The following BMP6 variants were observed in gnomAD, a reference collection of about 807,000 sequenced individuals.
BMP6 encodes VG-1-R.
In BMP6, 17 loss-of-function variants were observed where a neutral mutation model predicts 54.1. The observed-to-expected ratio is 0.31, with a 90% confidence interval of 0.22 to 0.47. BMP6 has a LOEUF of 0.47. Among genes scored for constraint, BMP6 ranks in the 20% least tolerant of loss-of-function variants. The pLI is 1.00. For missense variants in BMP6, 720 were observed against 690.4 expected (o/e 1.04, Z -0.48); for synonymous variants, 328 against 291.2 (o/e 1.13, Z -1.28).
chr6:7,833,075 G>T (rs564957036), intron 1 of BMP6, among the ~76,000 whole-genome samples: 4 of 152,006 alleles, frequency 2.6e-5, no homozygotes, highest in Non-Finnish European at 4.4e-5. Flanking sequence ...ATGCGAGGCA[G>T]TGGGACTGAG....
intron 1 of BMP6, among the ~76,000 whole-genome samples, chr6:7,768,046 A>G (rs1447028687): frequency 2.6e-5 from 4 of 151,914 alleles, no homozygotes; most frequent in Non-Finnish European, 4.4e-5. Flanking sequence ...GGCTGGAGAT[A>G]GGTATTTTCC....
intron 2 of BMP6, among the ~76,000 whole-genome samples, chr6:7,848,117 C>A (rs1227939104): frequency 6.6e-6 from 1 of 152,140 alleles, no homozygotes; most frequent in African/African-American, 2.4e-5. Context: ...GTGGTCCTTT[C>A]CTTGAATGGA....
At position 7,880,098 on chromosome 6, in the gene BMP6, C is replaced by G. The variant is rs761657233; in HGVS notation, c.1389C>G (p.Thr463=). Residue 463 remains threonine (T), a synonymous_variant, in exon 6 of 7, where the codon ACC becomes ACG. Coordinates refer to ENST00000283147, the MANE Select transcript of BMP6 (RefSeq NM_001718.6). The stretch of plus-strand genomic sequence containing the variant: ...CAACCAACCACGCGATTGTGCAGAC[C>G]TTGGTGAGCTCTCGGAGACTTTGTT... ...MNATNHAIVQ[T]LVHLMNPEYV... 2.4e-5 allele frequency: 39 copies of G among 1,614,134 alleles called. 1 individual carries two copies. In the South Asian group the frequency reaches 4.3e-4, roughly 18 times the overall value.
At chr6:7,784,677 A>G (rs1206828280) in intron 1 of BMP6, among the ~76,000 whole-genome samples, 2 of 152,226 alleles carry the variant, frequency 1.3e-5, no homozygotes, top group Non-Finnish European at 2.9e-5. Flanking sequence ...TTATATGAGC[A>G]AGGGGGAAGA....
intron 2 of BMP6, among the ~76,000 whole-genome samples, chr6:7,858,396 T>G (rs1017842808): frequency 6.6e-6 from 1 of 152,122 alleles, no homozygotes; most frequent in Non-Finnish European, 1.5e-5. Flanking sequence ...TCCCAACCGG[T>G]GATTTTTAAC....
intron 1 of BMP6, among the ~76,000 whole-genome samples, chr6:7,833,094 T>A (rs1758816315): frequency 6.6e-6 from 1 of 151,828 alleles, no homozygotes; most frequent in Admixed American, 6.6e-5. Flanking sequence ...AGGCTCTGCA[T>A]GAGGGCAGTG....
At chr6:7,804,757 G>T (rs189761897) in intron 1 of BMP6, among the ~76,000 whole-genome samples, 1 of 152,282 alleles carries the variant, frequency 6.6e-6, no homozygotes, top group East Asian at 1.9e-4. Context: ...AGGAGAGTTT[G>T]TTAGTAGATT....
At chr6:7,735,214 C>T (rs1039149485) in intron 1 of BMP6, among the ~76,000 whole-genome samples, 3 of 152,344 alleles carry the variant, frequency 2.0e-5, no homozygotes, top group South Asian at 4.1e-4. Flanking sequence ...CCGTCCAGAA[C>T]GTCTGCGTTT....
rs1758462851 is a variant in BMP6, at chr6:7,813,113, ATATAT to A, written c.665-32026_665-32022del. Among the ~76,000 whole-genome samples the A allele has an allele frequency of 6.1e-5, 3 of 49,364 alleles. 1 individual carries two copies. The highest frequency in any genetic ancestry group is 3.3e-4 in the African/African-American group (3 of 9,116). 32.4% of individuals were successfully genotyped at this position (49,364 alleles called of 152,430 possible). On this transcript the variant is annotated intron_variant, in intron 1 of 6. Transcript: ENST00000283147. ...AAAAAAAAAAAAAAAAAAAAAATAT[ATATAT>A]ATATATATATATATATATATATATA...
intron 1 of BMP6, among the ~76,000 whole-genome samples, chr6:7,731,846 CATTT>C (rs570627542): frequency 3.7e-4 from 56 of 152,248 alleles, no homozygotes; most frequent in Middle Eastern, 3.4e-3. Flanking sequence ...GTAGTAAAAA[CATTT>C]AATTAAATAT....
At chr6:7,799,443 T>TC (rs1453875517) in intron 1 of BMP6, among the ~76,000 whole-genome samples, 2 of 152,214 alleles carry the variant, frequency 1.3e-5, no homozygotes, top group African/African-American at 4.8e-5. Flanking sequence ...AGTTATGATT[T>TC]CTTTTTTTGA....
chr6:7,767,292 A>T (rs1203676438), intron 1 of BMP6, among the ~76,000 whole-genome samples: 1 of 152,202 alleles, frequency 6.6e-6, no homozygotes, highest in Non-Finnish European at 1.5e-5. Flanking sequence ...TAATTTTTAA[A>T]GATGTTTTAT....
chr6:7,727,627 T>C lies in BMP6; in HGVS notation c.664+8T>C, dbSNP rs1459255200. On this transcript the variant is annotated splice_region_variant and intron_variant, in intron 1 of 6. Coordinates refer to ENST00000283147, the MANE Select transcript of BMP6 (RefSeq NM_001718.6). ...TGAGCTTTGTGAACCTGGGTAAGGATTTGGGGTAACGTAATGACGAGAACA... is the reference window on the plus strand; with the variant it reads ...TGAGCTTTGTGAACCTGGGTAAGGACTTGGGGTAACGTAATGACGAGAACA... 1 of 1,536,592 alleles carries C rather than the reference T, an allele frequency of 6.5e-7. No individual in the cohort carries two copies. Among genetic ancestry groups the C allele is most frequent in the African/African-American group, 1.4e-5 (1 of 71,878 alleles).
At chr6:7,768,836 GCTTT>G (rs1408445270) in intron 1 of BMP6, among the ~76,000 whole-genome samples, 2 of 152,076 alleles carry the variant, frequency 1.3e-5, no homozygotes, top group Non-Finnish European at 2.9e-5. Context: ...ACACTTTGTG[GCTTT>G]CTTGTTGTAC....
At chr6:7,876,526 T>C (rs186215361) in intron 4 of BMP6, among the ~76,000 whole-genome samples, 175 of 152,346 alleles carry the variant, frequency 1.1e-3, no homozygotes, top group Non-Finnish European at 2.1e-3. Flanking sequence ...GAGACAGTCA[T>C]GTATTTTGGC....
intron 4 of BMP6, among the ~76,000 whole-genome samples, chr6:7,865,865 G>A (rs1307115615): frequency 6.6e-6 from 1 of 152,272 alleles, no homozygotes; most frequent in Non-Finnish European, 1.5e-5. Flanking sequence ...ACCAGGGATC[G>A]TCCTACATCT....
At chr6:7,763,719 A>C (rs982136088) in intron 1 of BMP6, among the ~76,000 whole-genome samples, 7 of 152,194 alleles carry the variant, frequency 4.6e-5, no homozygotes, top group Non-Finnish European at 8.8e-5. Flanking sequence ...CATTTTAAGG[A>C]AATGGCAGGC....
chr6:7,809,213 T>A (rs935061594), intron 1 of BMP6, among the ~76,000 whole-genome samples: 1 of 151,958 alleles, frequency 6.6e-6, no homozygotes, highest in Non-Finnish European at 1.5e-5. Context: ...AGTGGAACTT[T>A]CTGGTAGCTT....
chr6:7,750,929 T>C (rs765851537), intron 1 of BMP6, among the ~76,000 whole-genome samples: 1 of 152,200 alleles, frequency 6.6e-6, no homozygotes, highest in African/African-American at 2.4e-5. Context: ...AGCAGTGATG[T>C]TGGATGGATC....
Sources: gnomAD v4.1 joint callset for allele counts (sites outside exome capture counted in the v4.1 genomes callset) on GRCh38, gnomAD v4.1.1 for gene constraint, MANE v1.5 for transcripts, NCBI Gene and HGNC (gene_info 2026-07-23, HGNC 2026-07-21) for gene names.